Variants in USP13 observed in about 807,000 individuals in gnomAD.
The protein encoded by USP13 is ubiquitin specific peptidase 13.
In USP13, 68 loss-of-function variants were observed where a neutral mutation model predicts 107.8. The ratio of observed to expected loss-of-function variants is 0.63; its 90% CI spans 0.52 to 0.77. The LOEUF is 0.77. Among genes scored for constraint, USP13 ranks in the 30% least tolerant of loss-of-function variants. USP13 has a pLI of 0.00. For missense variants in USP13, 945 were observed against 1,093.3 expected (o/e 0.86, Z 1.91); for synonymous variants, 377 against 389.5 (o/e 0.97, Z 0.38).
intron 17 of USP13, among the ~76,000 whole-genome samples, chr3:179,761,668 G>A (rs950057543): frequency 4.6e-5 from 7 of 152,276 alleles, no homozygotes; most frequent in Middle Eastern, 3.4e-3. Flanking sequence ...GCTGCAGTGA[G>A]CCAAGATTGC....
chr3:179,662,175 C>T (rs567215521), intron 1 of USP13, among the ~76,000 whole-genome samples: 213 of 151,656 alleles, frequency 1.4e-3, no homozygotes, highest in Non-Finnish European at 1.7e-3. Flanking sequence ...TCCCCATGTT[C>T]GTGATGGTGC....
At chr3:179,767,427 G>T (rs1467993365) in intron 19 of USP13, among the ~76,000 whole-genome samples, 11 of 147,494 alleles carry the variant, frequency 7.5e-5, no homozygotes, top group African/African-American at 2.3e-4. Flanking sequence ...AGTTTTTTTT[G>T]GTTTTTTTTT....
At chr3:179,754,649 A>G in intron 14 of USP13, 83 bp from the exon 15 acceptor site, 1 of 1,500,938 alleles carries the variant, frequency 6.7e-7, no homozygotes, top group Non-Finnish European at 8.9e-7. Context: ...CTGTCTAGAC[A>G]CATGCATGTA....
chr3:179,668,420 A>G (rs924340032), intron 1 of USP13, among the ~76,000 whole-genome samples: 1 of 152,210 alleles, frequency 6.6e-6, no homozygotes, highest in Non-Finnish European at 1.5e-5. Flanking sequence ...TACTTAGTTT[A>G]TGTGAACACA....
intron 6 of USP13, among the ~76,000 whole-genome samples, chr3:179,716,850 A>G (rs954777472): frequency 3.8e-4 from 58 of 152,152 alleles, no homozygotes; most frequent in African/African-American, 1.4e-3. Context: ...AGCTTACTGC[A>G]CATACTGTTT....
Position 179,782,187 on chromosome 3 carries a change from C to T in USP13, c.2498+364C>T, listed in dbSNP as rs1715773343. On this transcript the variant is annotated intron_variant, in intron 20 of 20. Transcript: ENST00000263966. ...AAACAAGACAGGAAAAACCAGGATG[C>T]CCTATTAAATTTGAATTTCAGATAA... Among the ~76,000 whole-genome samples, 3 of 152,246 alleles carry T rather than the reference C, an allele frequency of 2.0e-5. No homozygotes were observed. In the South Asian group the frequency reaches 6.2e-4, roughly 32 times the overall value.
chr3:179,730,409 A>G (rs1174521459), intron 9 of USP13, 149 bp downstream of exon 9: 1 of 975,044 alleles, frequency 1.0e-6, no homozygotes, highest in Non-Finnish European at 1.5e-6. Flanking sequence ...CTTTTATAAG[A>G]AGATAAAGTT....
In USP13 at chr3:179,653,477, C is replaced by G; in HGVS notation, c.168+84C>G. 1.3e-6 allele frequency: 2 copies of G among 1,490,108 alleles called. No individual in the cohort carries two copies. Among genetic ancestry groups the G allele is most frequent in the Non-Finnish European group, 1.8e-6 (2 of 1,111,746 alleles). The allele number at this position is 1,490,108 out of a possible 1,614,324, so 92.3% of individuals were successfully genotyped here. A position where few individuals can be genotyped will look rare whatever the true frequency, so the allele number is the denominator to read the frequency against. Reference sequence around the variant, plus strand: ...GGGGGAGAAGATGCGCAGTGGCGGCCGGGACCTCTTCTCTTCCTCCGGGCG... The same window carrying G: ...GGGGGAGAAGATGCGCAGTGGCGGCGGGGACCTCTTCTCTTCCTCCGGGCG... On this transcript the variant is annotated intron_variant, in intron 1 of 20. Coordinates refer to ENST00000263966, the MANE Select transcript of USP13 (RefSeq NM_003940.3). The surrounding 1 kb of genome is among the most constrained non-coding windows in gnomAD (Gnocchi z 4.0).
intron 13 of USP13, among the ~76,000 whole-genome samples, chr3:179,747,585 A>G (rs548582995): frequency 1.3e-5 from 2 of 152,282 alleles, no homozygotes; most frequent in South Asian, 4.1e-4. Context: ...AGCCTTTTCA[A>G]CACCTGGAAA....
intron 1 of USP13, among the ~76,000 whole-genome samples, chr3:179,679,395 G>A (rs981569551): frequency 3.9e-5 from 6 of 152,108 alleles, no homozygotes; most frequent in Non-Finnish European, 8.8e-5. Flanking sequence ...CTACTGAAAT[G>A]CACTGTAAGG....
chr3:179,739,893 A>G (rs1442406534), intron 10 of USP13, among the ~76,000 whole-genome samples: 2 of 152,064 alleles, frequency 1.3e-5, no homozygotes, highest in Non-Finnish European at 2.9e-5. Flanking sequence ...CTCTCCTCCC[A>G]AGCTTGCTTT....
chr3:179,712,406 A>C (rs1576944673), intron 6 of USP13, among the ~76,000 whole-genome samples: 1 of 152,122 alleles, frequency 6.6e-6, no homozygotes, highest in Admixed American at 6.5e-5. Flanking sequence ...TAGACTACTC[A>C]CTGTTAATAA....
intron 19 of USP13, among the ~76,000 whole-genome samples, chr3:179,778,239 A>G (rs900231670): frequency 3.9e-5 from 6 of 152,200 alleles, no homozygotes; most frequent in African/African-American, 1.4e-4. Flanking sequence ...ACAAAAATAT[A>G]TACACTATAA....
intron 1 of USP13, among the ~76,000 whole-genome samples, chr3:179,674,774 T>C (rs185373201): frequency 3.3e-5 from 5 of 152,320 alleles, no homozygotes; most frequent in Non-Finnish European, 7.3e-5. Flanking sequence ...TGTGCAATTT[T>C]AACAGTTTTT....
At chr3:179,674,527 T>G (rs1407920588) in intron 1 of USP13, among the ~76,000 whole-genome samples, 2 of 152,246 alleles carry the variant, frequency 1.3e-5, no homozygotes, top group Admixed American at 1.3e-4. Flanking sequence ...TTCTTGTGCT[T>G]ATATGTCACA....
chr3:179,684,394 T>G (rs9825361), intron 2 of USP13, among the ~76,000 whole-genome samples: 1 of 152,032 alleles, frequency 6.6e-6, no homozygotes, highest in South Asian at 2.1e-4. Context: ...CATTGTAGCC[T>G]CAACCTCCTG....
At position 179,761,244 on chromosome 3, in the gene USP13, T is replaced by C; in HGVS notation, c.2081T>C (p.Met694Thr). The change falls in exon 17 of 21, where the codon ATG (methionine) becomes ACG (threonine). Residue 694 changes from methionine to threonine, a missense_variant. By Grantham distance (81) the Met-to-Thr change is moderately conservative (BLOSUM62 -1). Transcript: ENST00000263966. ...GCCTTCAACTGGATCATTGTTCACA[T>C]GGAAGAGCCAGGTAGGTGGCGAGAA... ...EVAFNWIIVH[M>T]EEPDFAEPLT... 3.1e-6 allele frequency: 5 copies of C among 1,614,210 alleles called. No homozygotes were observed. The highest frequency in any genetic ancestry group is 1.7e-5 in the Admixed American group (1 of 60,032).
chr3:179,684,626 C>T (rs1267360730), intron 2 of USP13, among the ~76,000 whole-genome samples: 1 of 152,140 alleles, frequency 6.6e-6, no homozygotes, highest in African/African-American at 2.4e-5. Flanking sequence ...CCTGGCTACC[C>T]TTTTTATATT....
intron 4 of USP13, among the ~76,000 whole-genome samples, chr3:179,701,854 A>C (rs939083972): frequency 5.3e-5 from 8 of 151,980 alleles, no homozygotes; most frequent in East Asian, 1.9e-4. Flanking sequence ...GCTGGTAGTG[A>C]TAGAGGGAAG....
Sources: gnomAD v4.1 joint callset for allele counts (sites outside exome capture counted in the v4.1 genomes callset) on GRCh38, gnomAD v4.1.1 for gene constraint, Gnocchi (gnomAD v3.1) non-coding constraint, MANE v1.5 for transcripts, NCBI Gene and HGNC (gene_info 2026-07-23, HGNC 2026-07-21) for gene names.